The following ZBTB46 variants were observed in gnomAD, a reference collection of about 807,000 sequenced individuals.
The protein encoded by ZBTB46 is zinc finger and BTB domain-containing protein 46.
Under a neutral mutation model 44.1 loss-of-function variants are expected in ZBTB46, and 8 were observed. The ratio of observed to expected loss-of-function variants is 0.18; its 90% CI spans 0.11 to 0.33. The LOEUF (loss-of-function observed/expected upper bound fraction) is 0.33. ZBTB46 is among the 10% of genes least tolerant of loss of function. The probability of loss-of-function intolerance (pLI) is 1.00; values close to 1 mark genes in which losing one functional copy is unlikely to be tolerated. For synonymous variants in ZBTB46, 409 were observed against 382.3 expected, an observed-to-expected ratio of 1.07 and a Z score of -0.81; for missense variants, 651 against 847.7, an observed-to-expected ratio of 0.77 and a Z score of 2.88.
intron 3 of ZBTB46, among the ~76,000 whole-genome samples, chr20:63,773,722 G>A (rs545040566): frequency 2.6e-4 from 39 of 152,070 alleles, no homozygotes; most frequent in African/African-American, 9.2e-4. Context: ...GGAGGCCCGG[G>A]ATCCCCCTCC....
At chr20:63,831,398 C>A (rs2092851450), upstream of ZBTB46, among the ~76,000 whole-genome samples, 1 of 143,122 alleles carries the variant, frequency 7.0e-6, no homozygotes, top group South Asian at 2.1e-4. Context: ...GCCGCGGCCA[C>A]CGCCCCGGGC....
intron 1 of ZBTB46, among the ~76,000 whole-genome samples, chr20:63,828,026 C>G (rs2092828951): frequency 6.6e-6 from 1 of 152,246 alleles, no homozygotes; most frequent in South Asian, 2.1e-4. Context: ...CCTCAAGCGG[C>G]CCGCCCGCCT....
chr20:63,783,073 TGAGCC>T (rs1258586139), intron 2 of ZBTB46, among the ~76,000 whole-genome samples: 5 of 151,870 alleles, frequency 3.3e-5, no homozygotes, highest in Admixed American at 3.3e-4. Context: ...GAGGCTGCCG[TGAGCC>T]GAGATTGTAC....
intron 2 of ZBTB46, among the ~76,000 whole-genome samples, chr20:63,786,879 A>G (rs1409937661): frequency 6.6e-6 from 1 of 152,138 alleles, no homozygotes; most frequent in Non-Finnish European, 1.5e-5. Flanking sequence ...TCCTGGCCTC[A>G]AGGGATCCTC....
chr20:63,751,628 G>A (rs925299982), intron 4 of ZBTB46, among the ~76,000 whole-genome samples: 4 of 149,326 alleles, frequency 2.7e-5, no homozygotes, highest in East Asian at 4.0e-4. Context: ...CCCCCAGTGG[G>A]TCTCCCCATA....
chr20:63,806,022 G>A (rs1428662200), intron 1 of ZBTB46, among the ~76,000 whole-genome samples: 9 of 149,448 alleles, frequency 6.0e-5, no homozygotes, highest in Admixed American at 1.3e-4. Flanking sequence ...TGCTCTACCC[G>A]CCTCCGCCTC....
chr20:63,809,640 A>T (rs998819998), intron 1 of ZBTB46, among the ~76,000 whole-genome samples: 1 of 152,244 alleles, frequency 6.6e-6, no homozygotes, highest in African/African-American at 2.4e-5. Flanking sequence ...GAAAGGACTT[A>T]AAAGACACGT....
intron 1 of ZBTB46, among the ~76,000 whole-genome samples, chr20:63,829,953 G>C (rs771968946): frequency 6.6e-6 from 1 of 152,192 alleles, no homozygotes; most frequent in African/African-American, 2.4e-5. Flanking sequence ...CCCAGGCCGC[G>C]CGCTAAACAC....
intron 1 of ZBTB46, among the ~76,000 whole-genome samples, chr20:63,811,611 C>T (rs1453352020): frequency 6.6e-6 from 1 of 151,578 alleles, no homozygotes; most frequent in Non-Finnish European, 1.5e-5. Context: ...TGACCCTGAC[C>T]CCTGGGCCCA....
At chr20:63,801,104 C>A (rs1365084353) in intron 1 of ZBTB46, among the ~76,000 whole-genome samples, 1 of 152,080 alleles carries the variant, frequency 6.6e-6, no homozygotes, top group Non-Finnish European at 1.5e-5. Flanking sequence ...CAATCAGTAC[C>A]CTGTGTCTAG....
intron 1 of ZBTB46, among the ~76,000 whole-genome samples, chr20:63,805,934 G>A (rs527713338): frequency 1.4e-4 from 21 of 151,690 alleles, no homozygotes; most frequent in South Asian, 4.2e-4. Flanking sequence ...CACCACACCC[G>A]GATAATTTTT....
intron 2 of ZBTB46, among the ~76,000 whole-genome samples, chr20:63,785,253 A>C (rs2092505271): frequency 6.8e-6 from 1 of 146,134 alleles, no homozygotes; most frequent in Non-Finnish European, 1.5e-5. Flanking sequence ...AAGAAAAGAA[A>C]AAGAAAGAAG....
chr20:63,792,580 G>A (rs1424276340), intron 1 of ZBTB46, among the ~76,000 whole-genome samples: 1 of 151,106 alleles, frequency 6.6e-6, no homozygotes, highest in Non-Finnish European at 1.5e-5. Context: ...GCAGTGGTTT[G>A]ATCTCCGCTC....
intron 3 of ZBTB46, among the ~76,000 whole-genome samples, chr20:63,772,977 G>A (rs1354273923): frequency 6.6e-6 from 1 of 152,182 alleles, no homozygotes; most frequent in Admixed American, 6.5e-5. Context: ...CCCGAGGAAG[G>A]GGAGAAACTG....
chr20:63,826,916 A>G lies in ZBTB46; in HGVS notation c.-34+4181T>C, dbSNP rs528876649. On this transcript the variant is annotated intron_variant, in intron 1 of 4. Coordinates refer to ENST00000245663, the MANE Select transcript of ZBTB46 (RefSeq NM_001369741.1). ...CAGTGGCCCTGCCCTCCGGCCAGCAATCCACTCTCCGGGAAGCAGGGTTTG... is the reference window on the plus strand; with the variant it reads ...CAGTGGCCCTGCCCTCCGGCCAGCAGTCCACTCTCCGGGAAGCAGGGTTTG... 9.2e-5 allele frequency among the ~76,000 whole-genome samples: 14 copies of G among 152,308 alleles called. No individual in the cohort carries two copies. The South Asian group carries it at 2.9e-3, about 32-fold the overall frequency.
chr20:63,782,453 G>C (rs889831697), intron 2 of ZBTB46, among the ~76,000 whole-genome samples: 2 of 152,182 alleles, frequency 1.3e-5, no homozygotes, highest in Non-Finnish European at 2.9e-5. Flanking sequence ...GAGCTCCAGG[G>C]GATGCAGCCC....
chr20:63,769,144 C>CG, intron 3 of ZBTB46: 1 of 977,476 alleles, frequency 1.0e-6, no homozygotes. Flanking sequence ...CGGAGGTGCC[C>CG]GGGCTCATCT....
intron 1 of ZBTB46, 91 bp from the exon 2 acceptor site, chr20:63,790,881 C>A: frequency 1.0e-5 from 15 of 1,438,582 alleles, no homozygotes; most frequent in Non-Finnish European, 1.4e-5. Flanking sequence ...CCATGGGGCA[C>A]AGAGTGCGGC....
chr20:63,821,964 C>T (rs1450578942), intron 1 of ZBTB46, among the ~76,000 whole-genome samples: 1 of 152,202 alleles, frequency 6.6e-6, no homozygotes, highest in Non-Finnish European at 1.5e-5. Flanking sequence ...TGTCCCGCAG[C>T]CTGCCCCAAG....
Sources: gnomAD v4.1 joint callset for allele counts (sites outside exome capture counted in the v4.1 genomes callset) on GRCh38, gnomAD v4.1.1 for gene constraint, MANE v1.5 for transcripts, NCBI Gene and HGNC (gene_info 2026-07-23, HGNC 2026-07-21) for gene names.